Variants in TBC1D22A observed in about 807,000 individuals in gnomAD.
TBC1D22A encodes the protein putative GTPase activator.
TBC1D22A carries 38 observed loss-of-function variants against 60.2 expected under a neutral mutation model. The ratio of observed to expected loss-of-function variants is 0.63; its 90% CI spans 0.49 to 0.83. TBC1D22A has a LOEUF of 0.83. Among genes scored for constraint, TBC1D22A ranks in the 40% least tolerant of loss-of-function variants. TBC1D22A has a pLI of 0.00. For synonymous variants in TBC1D22A, 302 were observed against 281.7 expected, an observed-to-expected ratio of 1.07 and a Z score of -0.72; for missense variants, 628 against 701.0, an observed-to-expected ratio of 0.90 and a Z score of 1.18.
chr22:46,813,434 AG>A (rs1231344377), intron 4 of TBC1D22A, among the ~76,000 whole-genome samples: 1 of 152,174 alleles, frequency 6.6e-6, no homozygotes, highest in East Asian at 1.9e-4. Flanking sequence ...TTCTCTGGAG[AG>A]GGAGAAATCT....
intron 4 of TBC1D22A, among the ~76,000 whole-genome samples, chr22:46,812,360 G>C (rs1007507872): frequency 1.3e-5 from 2 of 152,192 alleles, no homozygotes; most frequent in Non-Finnish European, 2.9e-5. Flanking sequence ...CAAGGATAAT[G>C]AGGCTGTTTG....
intron 8 of TBC1D22A, among the ~76,000 whole-genome samples, chr22:46,963,216 C>T (rs2073608512): frequency 1.5e-5 from 2 of 136,872 alleles, no homozygotes; most frequent in African/African-American, 5.9e-5. Context: ...GAGCAAGACT[C>T]CGTCTCAAAA....
At chr22:47,049,364 T>A (rs1406897997) in intron 11 of TBC1D22A, among the ~76,000 whole-genome samples, 1 of 152,258 alleles carries the variant, frequency 6.6e-6, no homozygotes, top group East Asian at 1.9e-4. Context: ...CACGTCCACA[T>A]CAGGGTCCCC....
intron 1 of TBC1D22A, among the ~76,000 whole-genome samples, chr22:46,765,778 C>CTT (rs61163963): frequency 1.4e-4 from 18 of 131,060 alleles, no homozygotes; most frequent in South Asian, 2.4e-4. Context: ...TGTTTTCCTC[C>CTT]TTTTTTTTTT....
intron 2 of TBC1D22A, 33 bp downstream of exon 2, chr22:46,792,609 G>A (rs375709808): frequency 9.9e-6 from 16 of 1,614,056 alleles, no homozygotes; most frequent in Admixed American, 1.7e-5. Context: ...TTGGCGTCTC[G>A]GCTCTGATAT....
intron 11 of TBC1D22A, among the ~76,000 whole-genome samples, chr22:47,054,838 C>T (rs2063338277): frequency 6.6e-6 from 1 of 152,184 alleles, no homozygotes; most frequent in Non-Finnish European, 1.5e-5. Context: ...CTCCCTACTT[C>T]CCGTTGTTAA....
At chr22:46,914,587 T>C (rs1444569755) in intron 8 of TBC1D22A, 1 of 152,034 alleles carries the variant, frequency 6.6e-6, no homozygotes, top group Non-Finnish European at 1.5e-5. Context: ...GCGTTTAACT[T>C]GCGTGGTGTG....
chr22:46,901,113 T>C (rs1314781483), intron 7 of TBC1D22A, among the ~76,000 whole-genome samples: 1 of 152,226 alleles, frequency 6.6e-6, no homozygotes, highest in Non-Finnish European at 1.5e-5. Flanking sequence ...GAGCCAACTG[T>C]ATATTCCTGA....
chr22:47,074,070 T>C lies in TBC1D22A; in HGVS notation c.1329+36872T>C, dbSNP rs373381037. Among the ~76,000 whole-genome samples the C allele has an allele frequency of 2.8e-4, 42 of 152,308 alleles. No homozygotes were observed. The South Asian group carries it at 8.1e-3, about 29-fold the overall frequency. On this transcript the variant is annotated intron_variant, in intron 11 of 12. Transcript: ENST00000337137. ...CTGCAGTGAGCTATGATCGCACCAC[T>C]GTACTCTAGCCTGGGTGACAGTGAG...
At chr22:47,162,137 T>A (rs751907661) in intron 12 of TBC1D22A, among the ~76,000 whole-genome samples, 1 of 152,212 alleles carries the variant, frequency 6.6e-6, no homozygotes, top group Non-Finnish European at 1.5e-5. Context: ...TTTTTTCATT[T>A]ATCTTTTGCC....
chr22:46,989,367 A>G (rs1368726746), intron 9 of TBC1D22A, among the ~76,000 whole-genome samples: 2 of 151,656 alleles, frequency 1.3e-5, no homozygotes, highest in East Asian at 3.9e-4. Context: ...AAAAAGGCCT[A>G]CTTTTGGCTT....
At chr22:47,169,958 C>G (rs1003867135) in intron 12 of TBC1D22A, among the ~76,000 whole-genome samples, 2 of 152,188 alleles carry the variant, frequency 1.3e-5, no homozygotes, top group Non-Finnish European at 1.5e-5. Flanking sequence ...TGAATGTGAC[C>G]GAGGGATGGC....
chr22:47,115,549 C>T (rs961118093), intron 12 of TBC1D22A, among the ~76,000 whole-genome samples: 4 of 152,204 alleles, frequency 2.6e-5, no homozygotes, highest in Admixed American at 6.5e-5. Context: ...GTGTGTCCCG[C>T]GGTGCCCGCT....
Position 46,833,107 on chromosome 22 carries a change from A to T in TBC1D22A, c.637+35487A>T, listed in dbSNP as rs149761244. On this transcript the variant is annotated intron_variant, in intron 4 of 12. Transcript: ENST00000337137. Reference sequence around the variant, plus strand: ...AGGCCCAGCCTCAATTAAAGCTGTGATTTGAAACTTTCAGGTTAGTGGGAA... The same window carrying T: ...AGGCCCAGCCTCAATTAAAGCTGTGTTTTGAAACTTTCAGGTTAGTGGGAA... 2.0e-4 allele frequency among the ~76,000 whole-genome samples: 30 copies of T among 152,332 alleles called. No homozygotes were observed. In the East Asian group the frequency reaches 5.8e-3, roughly 29 times the overall value.
In TBC1D22A at chr22:46,878,736, G is replaced by A. The variant is rs1323763518; in HGVS notation, c.708+13G>A. On this transcript the variant is annotated intron_variant, in intron 5 of 12. Transcript: ENST00000337137. ...GAAGCTCCTCTCAGTAAGTCCCACC[G>A]CACCGCCCATCAGCGCCTCCTTCCT... The A allele has an allele frequency of 6.8e-6, 11 of 1,612,054 alleles. No homozygotes were observed. The highest frequency in any genetic ancestry group is 4.0e-5 in the African/African-American group (3 of 74,892).
chr22:46,858,000 C>T (rs139463804), intron 4 of TBC1D22A, among the ~76,000 whole-genome samples: 42 of 152,230 alleles, frequency 2.8e-4, no homozygotes, highest in African/African-American at 9.6e-4. Context: ...TGAGGAGTGG[C>T]GCTGCTGGCT....
chr22:46,837,899 A>T (rs1478271809), intron 4 of TBC1D22A, among the ~76,000 whole-genome samples: 1 of 152,164 alleles, frequency 6.6e-6, no homozygotes, highest in African/African-American at 2.4e-5. Context: ...CATCTTTATT[A>T]AAAATACAAA....
intron 4 of TBC1D22A, among the ~76,000 whole-genome samples, chr22:46,856,753 T>C (rs1042452848): frequency 6.6e-6 from 1 of 152,254 alleles, no homozygotes; most frequent in African/African-American, 2.4e-5. Flanking sequence ...TGATTTCCTG[T>C]CAGCAACAAA....
intron 12 of TBC1D22A, among the ~76,000 whole-genome samples, chr22:47,142,555 C>T (rs1489222810): frequency 5.7e-4 from 73 of 128,176 alleles, no homozygotes; most frequent in Non-Finnish European, 7.5e-4. Context: ...TCCACCCACC[C>T]ACCCATCTAT....
Sources: allele counts gnomAD v4.1 joint callset (sites outside exome capture counted in the v4.1 genomes callset), GRCh38; gene constraint gnomAD v4.1.1; transcripts MANE v1.5; gene names NCBI Gene and HGNC (gene_info 2026-07-23, HGNC 2026-07-21).